Variants in ACBD6 observed in about 807,000 individuals in gnomAD.
The protein encoded by ACBD6 is acyl-CoA-binding domain-containing protein 6.
Under a neutral mutation model 37.2 loss-of-function variants are expected in ACBD6, and 28 were observed. That is an observed-to-expected ratio of 0.75 (90% confidence interval 0.56 to 1.03). ACBD6 has a LOEUF of 1.03. Among genes scored for constraint, ACBD6 ranks in the 50% least tolerant of loss-of-function variants. The probability of loss-of-function intolerance (pLI) is 0.00; values close to 1 mark genes in which losing one functional copy is unlikely to be tolerated. For missense variants in ACBD6, 340 were observed against 337.4 expected, an observed-to-expected ratio of 1.01 and a Z score of -0.06; for synonymous variants, 113 against 126.8, an observed-to-expected ratio of 0.89 and a Z score of 0.73.
exon 14 of ACBD6, chr1:180,271,710 C>A: frequency 3.1e-6 from 4 of 1,285,238 alleles, no homozygotes; most frequent in Non-Finnish European, 4.5e-6. Context: ...TGGGGCGCAT[C>A]GCACTCCCAG....
intron 8 of ACBD6, among the ~76,000 whole-genome samples, chr1:180,281,705 G>A (rs539809233): frequency 6.6e-6 from 1 of 152,200 alleles, no homozygotes; most frequent in South Asian, 2.1e-4. Flanking sequence ...TCTCATGACT[G>A]CCACAGGGAA....
At chr1:180,298,182 C>G (rs1457951507) in intron 7 of ACBD6, among the ~76,000 whole-genome samples, 1 of 152,170 alleles carries the variant, frequency 6.6e-6, no homozygotes, top group African/African-American at 2.4e-5. Context: ...TGCCTTATAT[C>G]AAGTAGCTGT....
chr1:180,395,070 C>A (rs1462024461), intron 6 of ACBD6, among the ~76,000 whole-genome samples: 1 of 152,146 alleles, frequency 6.6e-6, no homozygotes, highest in African/African-American at 2.4e-5. Flanking sequence ...AACTATTTGG[C>A]ATGGCTAGAG....
At chr1:180,363,730 T>C (rs1204790742) in intron 6 of ACBD6, among the ~76,000 whole-genome samples, 1 of 151,932 alleles carries the variant, frequency 6.6e-6, no homozygotes, top group Non-Finnish European at 1.5e-5. Flanking sequence ...GGGAGCATGC[T>C]TGTGCACATT....
chr1:180,305,350 A>C (rs1650311171), intron 7 of ACBD6, among the ~76,000 whole-genome samples: 1 of 152,200 alleles, frequency 6.6e-6, no homozygotes, highest in African/African-American at 2.4e-5. Context: ...CAATCTACTC[A>C]TCTGACAAAG....
intron 7 of ACBD6, among the ~76,000 whole-genome samples, chr1:180,305,593 C>G (rs911385728): frequency 4.6e-5 from 7 of 152,124 alleles, no homozygotes; most frequent in African/African-American, 1.2e-4. Flanking sequence ...ATTAAAAAGT[C>G]AGGAAACAAC....
chr1:180,271,750 T>C, exon 14 of ACBD6: 2 of 1,511,904 alleles, frequency 1.3e-6, no homozygotes, highest in East Asian at 4.5e-5. Flanking sequence ...TTCAGTCTGC[T>C]TCCAGCCGCC....
intron 6 of ACBD6, among the ~76,000 whole-genome samples, chr1:180,380,847 G>T (rs960507477): frequency 3.9e-4 from 60 of 152,034 alleles, no homozygotes; most frequent in African/African-American, 1.4e-3. Context: ...GCAATAAAAT[G>T]GTAGGAATAA....
chr1:180,353,269 A>G (rs1415475066), intron 6 of ACBD6, among the ~76,000 whole-genome samples: 2 of 152,198 alleles, frequency 1.3e-5, no homozygotes, highest in Non-Finnish European at 2.9e-5. Context: ...TTCTTATGTA[A>G]TGTAGATAGA....
intron 3 of ACBD6, among the ~76,000 whole-genome samples, chr1:180,479,452 G>A (rs1382983358): frequency 6.6e-6 from 1 of 152,110 alleles, no homozygotes; most frequent in African/African-American, 2.4e-5. Flanking sequence ...TTGATCACAT[G>A]GAGGTAGAGA....
chr1:180,428,257 C>T (rs1030421716), intron 4 of ACBD6, among the ~76,000 whole-genome samples: 1 of 152,078 alleles, frequency 6.6e-6, no homozygotes, highest in South Asian at 2.1e-4. Flanking sequence ...ATATTTCATT[C>T]AATTAATATT....
At chr1:180,360,544 G>A (rs2101902766) in intron 6 of ACBD6, among the ~76,000 whole-genome samples, 1 of 152,084 alleles carries the variant, frequency 6.6e-6, no homozygotes, top group East Asian at 1.9e-4. Flanking sequence ...CTCTGGGGTG[G>A]GGCCCAGCAA....
At position 180,413,358 on chromosome 1, in the gene ACBD6, T is replaced by C; in HGVS notation, c.573+8A>G. On this transcript the variant is annotated splice_region_variant and intron_variant, in intron 5 of 7. Transcript: ENST00000367595. ...AGGAAAATAATTAACAGGGCATGTTTTTCATACCTCTTCATCTTTCACATT... is the reference window on the plus strand; with the variant it reads ...AGGAAAATAATTAACAGGGCATGTTCTTCATACCTCTTCATCTTTCACATT... 6.2e-7 allele frequency: 1 copy of C among 1,608,084 alleles called. No homozygotes were observed. The highest frequency in any genetic ancestry group is 1.7e-4 in the Middle Eastern group (1 of 6,042).
At chr1:180,270,036 C>T (rs1648546116) in exon 14 of ACBD6, 1 of 152,278 alleles carries the variant, frequency 6.6e-6, no homozygotes, top group Non-Finnish European at 1.5e-5. Flanking sequence ...GGCTGCACAG[C>T]TGCTTCATTC....
chr1:180,424,496 G>A (rs1648505871), intron 4 of ACBD6, among the ~76,000 whole-genome samples: 1 of 152,166 alleles, frequency 6.6e-6, no homozygotes, highest in Non-Finnish European at 1.5e-5. Context: ...AAAAGGGGGT[G>A]AGCGGAAAAC....
At chr1:180,379,154 C>T (rs1206293213) in intron 6 of ACBD6, among the ~76,000 whole-genome samples, 17 of 152,142 alleles carry the variant, frequency 1.1e-4, no homozygotes, top group Admixed American at 1.1e-3. Flanking sequence ...AACACTGATG[C>T]TATTTACAGT....
intron 3 of ACBD6, among the ~76,000 whole-genome samples, chr1:180,447,625 T>G (rs1168730607): frequency 6.6e-6 from 1 of 152,176 alleles, no homozygotes; most frequent in East Asian, 1.9e-4. Flanking sequence ...CAGGTTATTA[T>G]GACTAATTTT....
intron 1 of ACBD6, among the ~76,000 whole-genome samples, chr1:180,498,281 C>T (rs74132915): frequency 0.066 from 9,981 of 152,186 alleles, 1,019 homozygotes; most frequent in African/African-American, 0.22. Context: ...TTATTACTGG[C>T]AACAAACACT....
chr1:180,414,098 G>T (rs1647980006), intron 4 of ACBD6, among the ~76,000 whole-genome samples: 2 of 152,180 alleles, frequency 1.3e-5, no homozygotes, highest in South Asian at 4.1e-4. Context: ...TGAAGCAGAA[G>T]TTCTTAACAT....
Sources: gnomAD v4.1 joint callset for allele counts (sites outside exome capture counted in the v4.1 genomes callset) on GRCh38, gnomAD v4.1.1 for gene constraint, MANE v1.5 for transcripts, NCBI Gene and HGNC (gene_info 2026-07-23, HGNC 2026-07-21) for gene names.